IGF2: variants seen among roughly 807,000 people sequenced by gnomAD.
IGF2 encodes insulin-like growth factor 2.
IGF2 carries 2 observed loss-of-function variants against 12.0 expected under a neutral mutation model. The ratio of observed to expected loss-of-function variants is 0.17; its 90% CI spans 0.07 to 0.52. The LOEUF is 0.52. IGF2 is among the 20% of genes least tolerant of loss of function. The probability of loss-of-function intolerance (pLI) is 0.95; values close to 1 mark genes in which losing one functional copy is unlikely to be tolerated. For synonymous variants in IGF2, 105 were observed against 110.1 expected (o/e 0.95, Z 0.29); for missense variants, 211 against 268.0 (o/e 0.79, Z 1.48).
intron 1 of IGF2, among the ~76,000 whole-genome samples, chr11:2,136,348 C>T (rs759332621): frequency 5.4e-4 from 82 of 152,368 alleles, no homozygotes; most frequent in African/African-American, 1.7e-3. Flanking sequence ...TCCCTATTTG[C>T]GCTACCAAAC....
intron 1 of IGF2, among the ~76,000 whole-genome samples, chr11:2,137,520 G>A (rs1859158388): frequency 7.4e-6 from 1 of 135,308 alleles, no homozygotes; most frequent in South Asian, 2.3e-4. Context: ...TCTCTGCACA[G>A]GGCAGTGAAG....
In IGF2 at chr11:2,132,535, C is replaced by T. The variant is rs372089802; in HGVS notation, c.*452G>A. 8.5e-5 allele frequency: 17 copies of T among 199,026 alleles called. No individual in the cohort carries two copies. Among genetic ancestry groups the T allele is most frequent in the South Asian group, 5.9e-4 (3 of 5,044 alleles). 12.3% of individuals were successfully genotyped at this position (199,026 alleles called of 1,614,324 possible). Reference sequence around the variant, plus strand: ...TTTGCCAATTGTTTCTCAGCCAATTCGTTTTTAATACTTTTTTTTTTTAGC... The same window carrying T: ...TTTGCCAATTGTTTCTCAGCCAATTTGTTTTTAATACTTTTTTTTTTTAGC... On this transcript the variant is annotated 3_prime_UTR_variant, in exon 4 of 4. Transcript: ENST00000416167.
In IGF2 at chr11:2,138,618, C is replaced by T. The variant is rs1859281999; in HGVS notation, c.-396G>A. The T allele has an allele frequency of 3.1e-6, 3 of 980,496 alleles. No individual in the cohort carries two copies. The South Asian group carries it at 1.4e-4, about 47-fold the overall frequency. The allele number at this position is 980,496 out of a possible 1,614,324, so 60.7% of individuals were successfully genotyped here. A position where few individuals can be genotyped will look rare whatever the true frequency, so the allele number is the denominator to read the frequency against. ...GAGGACAGCGAGAGGCGGGCAGGCG[C>T]ACAGCGGGAGAGAACAGCACGGAGA... On this transcript the variant is annotated 5_prime_UTR_variant, in exon 1 of 4. Coordinates refer to ENST00000416167, the MANE Select transcript of IGF2 (RefSeq NM_000612.6).
Position 2,139,132 on chromosome 11 carries a change from A to T in IGF2, c.-910T>A, listed in dbSNP as rs1859343592. 2 of 152,550 alleles carry T rather than the reference A, an allele frequency of 1.3e-5. No homozygotes were observed. Among genetic ancestry groups the T allele is most frequent in the African/African-American group, 4.9e-5 (2 of 41,062 alleles). 9.4% of individuals were successfully genotyped at this position (152,550 alleles called of 1,614,324 possible). A position where few individuals can be genotyped will look rare whatever the true frequency, so the allele number is the denominator to read the frequency against. On this transcript the variant is annotated 5_prime_UTR_variant, in exon 1 of 4. Transcript: ENST00000416167. ...GCGGGGGGAACCGCCTCCTCGGGCG[A>T]AGCGGGGATGGGGGGAGTTGAGGTA... is the stretch of plus-strand genomic sequence containing the variant.
chr11:2,149,543 T>C, the IGF2 span: 600,847 of 613,186 alleles, frequency 0.98, 294,692 homozygotes, highest in Non-Finnish European at 1. Context: ...TTGGTAGTGC[T>C]GAGGCCGCTG....
Position 2,133,733 on chromosome 11 carries a change from G to A in IGF2, c.158-68C>T. The A allele has an allele frequency of 6.3e-7, 1 of 1,582,786 alleles. No individual in the cohort carries two copies. Among genetic ancestry groups the A allele is most frequent in the Admixed American group, 1.8e-5 (1 of 56,174 alleles). On this transcript the variant is annotated intron_variant, in intron 2 of 3. Coordinates refer to ENST00000416167, the MANE Select transcript of IGF2 (RefSeq NM_000612.6). The surrounding 1 kb of genome is among the most constrained non-coding windows in gnomAD (Gnocchi z 8.9). The stretch of plus-strand genomic sequence containing the variant: ...CTGACCCCAGCCCCCGGAGGCTGAA[G>A]GGGGAGCAAACCACCCCTGCCCTCA...
chr11:2,147,893 TC>T, the IGF2 span: 1 of 1,030,724 alleles, frequency 9.7e-7, no homozygotes, highest in Non-Finnish European at 1.2e-6. This position sits in a 1 kb window ranked among gnomAD's most constrained non-coding sequence, Gnocchi z 7.2. Context: ...CTGAGCCCTG[TC>T]CCATCCCCCT....
intron 1 of IGF2, among the ~76,000 whole-genome samples, chr11:2,136,519 C>T (rs1003720107): frequency 6.6e-6 from 1 of 152,236 alleles, no homozygotes; most frequent in Non-Finnish European, 1.5e-5. Flanking sequence ...GGTGGGAGGC[C>T]GGGAGCCACC....
chr11:2,131,842 CTGTGTGCTCGTG>C lies in IGF2; in HGVS notation c.*1133_*1144del, dbSNP rs1409970713. On this transcript the variant is annotated 3_prime_UTR_variant, in exon 4 of 4. Coordinates refer to ENST00000416167, the MANE Select transcript of IGF2 (RefSeq NM_000612.6). ...TGTGCGTGTGCTGTGCGTTTGTGTG[CTGTGTGCTCGTG>C]TGTGTGCTGTGTGTGCGTGTGTGCT... is the stretch of plus-strand genomic sequence containing the variant. 1.1e-3 allele frequency: 135 copies of C among 120,182 alleles called. No individual in the cohort carries two copies. Among genetic ancestry groups the C allele is most frequent in the African/African-American group, 5.1e-3 (127 of 24,982 alleles). 7.4% of individuals were successfully genotyped at this position (120,182 alleles called of 1,614,324 possible). A position where few individuals can be genotyped will look rare whatever the true frequency, so the allele number is the denominator to read the frequency against.
rs749731671 is a variant in IGF2, at chr11:2,131,056, G to A, written c.*1931C>T. On this transcript the variant is annotated 3_prime_UTR_variant, in exon 4 of 4. Transcript: ENST00000416167. ...CAACACACAGTAAGTAAGGTGTATC[G>A]GGAATGGGTGGGGTATGGGGAGCAT... 2.0e-4 allele frequency: 47 copies of A among 231,934 alleles called. No individual in the cohort carries two copies. Among genetic ancestry groups the A allele is most frequent in the Admixed American group, 9.6e-4 (17 of 17,748 alleles). The allele number at this position is 231,934 out of a possible 1,614,324, so 14.4% of individuals were successfully genotyped here.
At position 2,129,813 on chromosome 11, in the gene IGF2, G is replaced by T. The variant is rs1038922506; in HGVS notation, c.*3174C>A. The T allele has an allele frequency of 8.6e-6, 2 of 232,200 alleles. No homozygotes were observed. Among genetic ancestry groups the T allele is most frequent in the East Asian group, 6.1e-5 (1 of 16,472 alleles). The allele number at this position is 232,200 out of a possible 1,614,324, so 14.4% of individuals were successfully genotyped here. A position where few individuals can be genotyped will look rare whatever the true frequency, so the allele number is the denominator to read the frequency against. ...GGGGGGCTGAGCTGGGGGCACAAGT[G>T]GGGGCGAGGTAAACCTCCCAGAGGC... On this transcript the variant is annotated 3_prime_UTR_variant, in exon 4 of 4. Coordinates refer to ENST00000416167, the MANE Select transcript of IGF2 (RefSeq NM_000612.6). The surrounding 1 kb of genome is among the most constrained non-coding windows in gnomAD (Gnocchi z 8.1).
Position 2,138,347 on chromosome 11 carries a change from C to T in IGF2, c.-125G>A. The T allele has an allele frequency of 1.0e-6, 1 of 976,748 alleles. No homozygotes were observed. Among genetic ancestry groups the T allele is most frequent in the African/African-American group, 1.8e-5 (1 of 54,834 alleles). The allele number at this position is 976,748 out of a possible 1,614,324, so 60.5% of individuals were successfully genotyped here. A position where few individuals can be genotyped will look rare whatever the true frequency, so the allele number is the denominator to read the frequency against. ...CGCCGCTCTGGCCGAGTCGCGGGGG[C>T]CGAATGTGCGACGGGGCAGAGCGGG... On this transcript the variant is annotated 5_prime_UTR_variant, in exon 1 of 4. Transcript: ENST00000416167.
rs1858777071 is a variant in IGF2 at position 2,133,586 on chromosome 11, G to A, written c.237C>T (p.Leu79=). 6.2e-7 allele frequency: 1 copy of A among 1,613,076 alleles called. No homozygotes were observed. The highest frequency in any genetic ancestry group is 2.2e-5 in the East Asian group (1 of 44,878). The stretch of plus-strand genomic sequence containing the variant: ...CGGGGGTAGCACAGTACGTCTCCAG[G>A]AGGGCCAGGTCACAGCTGCGGAAAC... ...ECCFRSCDLA[L]LETYCATPAK... The change falls in exon 3 of 4, where the codon CTC becomes CTT. Residue 79 remains leucine, a synonymous_variant. Transcript: ENST00000416167. This position sits in a 1 kb window ranked among gnomAD's most constrained non-coding sequence, Gnocchi z 8.9.
rs1858700513 is a variant in IGF2, at chr11:2,132,797, C to G, written c.*190G>C. On this transcript the variant is annotated 3_prime_UTR_variant, in exon 4 of 4. Coordinates refer to ENST00000416167, the MANE Select transcript of IGF2 (RefSeq NM_000612.6). ...ATGTTTGAAGATGCTGCTGTGCTTC[C>G]TCAGCCCGATGGAGGGGGCCGAGGA... 3.7e-6 allele frequency: 2 copies of G among 544,772 alleles called. No individual in the cohort carries two copies. The allele number at this position is 544,772 out of a possible 1,614,324, so 33.7% of individuals were successfully genotyped here.
chr11:2,134,368 G>A (rs964639957), intron 2 of IGF2, among the ~76,000 whole-genome samples: 9 of 152,228 alleles, frequency 5.9e-5, no homozygotes, highest in Non-Finnish European at 1.2e-4. Flanking sequence ...AGGAAAGCCT[G>A]GTGCAGGGAA....
chr11:2,137,251 T>G (rs1859135388), intron 1 of IGF2: 1 of 994,954 alleles, frequency 1.0e-6, no homozygotes, highest in Non-Finnish European at 1.2e-6. Flanking sequence ...AGGAGGAAGC[T>G]GGAAGTCTCT....
At chr11:2,141,515 G>A (rs1859595389), upstream of IGF2, among the ~76,000 whole-genome samples, 1 of 152,194 alleles carries the variant, frequency 6.6e-6, no homozygotes, top group Admixed American at 6.5e-5. Flanking sequence ...AGGAGGGGTA[G>A]TTAAAGAAAA....
chr11:2,147,473 G>T, the IGF2 span: 1 of 505,266 alleles, frequency 2.0e-6, no homozygotes, highest in Non-Finnish European at 3.1e-6. The surrounding 1 kb of genome is among the most constrained non-coding windows in gnomAD (Gnocchi z 7.2). Context: ...CTGAGCCAAA[G>T]CTGCTTGCAG....
chr11:2,148,959 G>C, the IGF2 span: 115 of 640,050 alleles, frequency 1.8e-4, no homozygotes, highest in Middle Eastern at 8.0e-4. The surrounding 1 kb of genome is among the most constrained non-coding windows in gnomAD (Gnocchi z 4.3). Context: ...CATCCCTGAA[G>C]TTGAGGCTGC....
Sources: allele counts gnomAD v4.1 joint callset (sites outside exome capture counted in the v4.1 genomes callset), GRCh38; gene constraint gnomAD v4.1.1; non-coding constraint Gnocchi (gnomAD v3.1); transcripts MANE v1.5; gene names NCBI Gene and HGNC (gene_info 2026-07-23, HGNC 2026-07-21).